Variants in RIN3 observed in about 807,000 individuals in gnomAD.
The protein encoded by RIN3 is Ras and Rab interactor 3.
A neutral mutation model predicts 76.3 loss-of-function variants in RIN3; 54 were observed. The observed-to-expected ratio is 0.71, with a 90% CI of 0.57 to 0.89. RIN3 has a LOEUF of 0.89. RIN3 is among the 40% of genes least tolerant of loss of function. The pLI is 0.00. For synonymous variants in RIN3, 576 were observed against 564.0 expected, an observed-to-expected ratio of 1.02 and a Z score of -0.30; for missense variants, 1,256 against 1,322.1, an observed-to-expected ratio of 0.95 and a Z score of 0.78.
intron 1 of RIN3, among the ~76,000 whole-genome samples, chr14:92,526,786 C>A (rs1896745279): frequency 6.6e-6 from 1 of 152,152 alleles, no homozygotes; most frequent in South Asian, 2.1e-4. Context: ...GTCTCAGTGT[C>A]CTGGGACTAC....
chr14:92,551,665 G>A (rs1033753775), intron 1 of RIN3, among the ~76,000 whole-genome samples: 4 of 152,118 alleles, frequency 2.6e-5, no homozygotes, highest in East Asian at 1.9e-4. Flanking sequence ...CCGTGGTATC[G>A]CATTGTGGTT....
At chr14:92,612,443 C>A (rs921123660) in intron 3 of RIN3, among the ~76,000 whole-genome samples, 12 of 152,230 alleles carry the variant, frequency 7.9e-5, no homozygotes, top group Admixed American at 3.9e-4. Flanking sequence ...CCCTTTGGGG[C>A]CCTAGAGGGA....
chr14:92,614,164 T>C (rs963079305), intron 3 of RIN3, among the ~76,000 whole-genome samples: 7 of 152,234 alleles, frequency 4.6e-5, no homozygotes, highest in Non-Finnish European at 1.0e-4. Context: ...AACAAATGCT[T>C]TGATCCCTCT....
At chr14:92,517,307 T>C (rs1364195442) in intron 1 of RIN3, among the ~76,000 whole-genome samples, 1 of 152,160 alleles carries the variant, frequency 6.6e-6, no homozygotes, top group Non-Finnish European at 1.5e-5. Context: ...AAAGCGACTG[T>C]TATCAGATAA....
At chr14:92,583,789 G>A (rs1295856165) in intron 3 of RIN3, among the ~76,000 whole-genome samples, 1 of 152,194 alleles carries the variant, frequency 6.6e-6, no homozygotes, top group Non-Finnish European at 1.5e-5. Context: ...TATATGCACT[G>A]TATTTTTCCA....
chr14:92,549,944 G>C (rs375386823), intron 1 of RIN3, among the ~76,000 whole-genome samples: 1 of 152,250 alleles, frequency 6.6e-6, no homozygotes, highest in Non-Finnish European at 1.5e-5. Context: ...TGCCTTTGCA[G>C]GGTCCTTAGC....
In RIN3 at chr14:92,623,569, G is replaced by A. The variant is rs1042578421; in HGVS notation, c.440+8090G>A. 4.6e-5 allele frequency among the ~76,000 whole-genome samples: 7 copies of A among 152,134 alleles called. No homozygotes were observed. The highest frequency in any genetic ancestry group is 2.6e-4 in the Admixed American group (4 of 15,276). On this transcript the variant is annotated intron_variant, in intron 4 of 9. Transcript: ENST00000216487. This position sits in a 1 kb window ranked among gnomAD's most constrained non-coding sequence, Gnocchi z 4.9. ...TTTCATCTACATAGACATGAGAGTCGAAAGATCCTTGAGGGGCCTCTCTTG... is the reference window on the plus strand; with the variant it reads ...TTTCATCTACATAGACATGAGAGTCAAAAGATCCTTGAGGGGCCTCTCTTG...
At chr14:92,657,255 G>T (rs944620528) in intron 6 of RIN3, among the ~76,000 whole-genome samples, 9 of 152,120 alleles carry the variant, frequency 5.9e-5, no homozygotes, top group Non-Finnish European at 1.0e-4. Context: ...AGCTACTCAG[G>T]AGGCTGAGGC....
At chr14:92,551,552 T>C (rs1452992357) in intron 1 of RIN3, among the ~76,000 whole-genome samples, 1 of 152,232 alleles carries the variant, frequency 6.6e-6, no homozygotes, top group African/African-American at 2.4e-5. Flanking sequence ...CTCGTTCCAA[T>C]GTTCGTTCTC....
intron 3 of RIN3, among the ~76,000 whole-genome samples, chr14:92,580,269 T>G (rs1309537374): frequency 6.6e-6 from 1 of 152,226 alleles, no homozygotes; most frequent in Non-Finnish European, 1.5e-5. Context: ...CTTGGGAGGC[T>G]GAGGCAGAAT....
chr14:92,632,645 C>T (rs1398138244), intron 4 of RIN3, among the ~76,000 whole-genome samples: 8 of 152,234 alleles, frequency 5.3e-5, no homozygotes, highest in African/African-American at 1.7e-4. Flanking sequence ...CCAGCTGCTT[C>T]TGCCCAGGAG....
intron 8 of RIN3, among the ~76,000 whole-genome samples, chr14:92,682,490 C>T (rs138405546): frequency 1.1e-4 from 17 of 152,360 alleles, no homozygotes; most frequent in African/African-American, 3.4e-4. Flanking sequence ...ATCCAGGGAA[C>T]TATGGGCCCA....
intron 1 of RIN3, among the ~76,000 whole-genome samples, chr14:92,527,046 CTTTT>C (rs1215618245): frequency 2.7e-5 from 3 of 109,954 alleles, no homozygotes; most frequent in South Asian, 6.3e-4. Context: ...TTCTCCCCAT[CTTTT>C]TTTTTTTTTT....
At chr14:92,567,682 A>T (rs1292784900) in intron 2 of RIN3, among the ~76,000 whole-genome samples, 1 of 141,348 alleles carries the variant, frequency 7.1e-6, no homozygotes, top group Non-Finnish European at 1.5e-5. Context: ...TTTCACCAGG[A>T]GGTGAAAATA....
At chr14:92,575,297 C>T (rs1231124244) in intron 2 of RIN3, among the ~76,000 whole-genome samples, 6 of 151,998 alleles carry the variant, frequency 3.9e-5, no homozygotes, top group Non-Finnish European at 1.5e-5. Context: ...TGCTTGGGGC[C>T]GTATCCTCAC....
intron 4 of RIN3, among the ~76,000 whole-genome samples, chr14:92,628,249 A>G (rs1595466788): frequency 6.6e-6 from 1 of 152,242 alleles, no homozygotes; most frequent in Non-Finnish European, 1.5e-5. Flanking sequence ...ACGGCAGCAC[A>G]AGTGGGATCC....
At chr14:92,538,262 C>G (rs1456688122) in intron 1 of RIN3, among the ~76,000 whole-genome samples, 1 of 152,240 alleles carries the variant, frequency 6.6e-6, no homozygotes, top group African/African-American at 2.4e-5. Flanking sequence ...AGCCACCATG[C>G]CTGGCCCTTA....
chr14:92,660,114 A>G (rs760912101), intron 7 of RIN3, among the ~76,000 whole-genome samples: 6 of 152,262 alleles, frequency 3.9e-5, no homozygotes, highest in Non-Finnish European at 7.3e-5. Flanking sequence ...TTAAGACTTC[A>G]ACATACAAAT....
intron 2 of RIN3, 50 bp from the exon 3 acceptor site, chr14:92,577,310 T>A: frequency 7.3e-7 from 1 of 1,366,814 alleles, no homozygotes; most frequent in Non-Finnish European, 1.0e-6. Flanking sequence ...CCTCCTCACC[T>A]TCACCCAAAT....
Sources: gnomAD v4.1 joint callset for allele counts (sites outside exome capture counted in the v4.1 genomes callset) on GRCh38, gnomAD v4.1.1 for gene constraint, Gnocchi (gnomAD v3.1) non-coding constraint, MANE v1.5 for transcripts, NCBI Gene and HGNC (gene_info 2026-07-23, HGNC 2026-07-21) for gene names.